The following SNRNP25 variants were observed in gnomAD, a reference collection of about 807,000 sequenced individuals.
SNRNP25 encodes U11/U12 small nuclear ribonucleoprotein 25 kDa protein.
Under a neutral mutation model 23.9 loss-of-function variants are expected in SNRNP25, and 21 were observed. That is an observed-to-expected ratio of 0.88 (90% CI 0.62 to 1.27). The LOEUF (loss-of-function observed/expected upper bound fraction) is 1.27, where lower values mean the gene tolerates loss of function less well. Ranked by LOEUF, SNRNP25 falls within the 50% of genes most tolerant of loss-of-function variation. The pLI is 0.00. For synonymous variants in SNRNP25, 63 were observed against 60.4 expected, an observed-to-expected ratio of 1.04 and a Z score of -0.20; for missense variants, 160 against 156.9, an observed-to-expected ratio of 1.02 and a Z score of -0.11.
rs113469094 is a variant in SNRNP25, at chr16:56,970, A to G, written c.315-116A>G. The G allele has an allele frequency of 1.0e-5, 12 of 1,194,388 alleles. No homozygotes were observed. The African/African-American group carries it at 1.5e-4, about 15-fold the overall frequency. 74.0% of individuals were successfully genotyped at this position (1,194,388 alleles called of 1,614,324 possible). On this transcript the variant is annotated intron_variant, in intron 4 of 4. Coordinates refer to ENST00000293861, the MANE Select transcript of SNRNP25 (RefSeq NM_024571.4). ...GGCCACTGCACTTCCTGGCCTTCCC[A>G]GAAGCCACACGCCTCCCCTCTGTTG... is the stretch of plus-strand genomic sequence containing the variant.
Position 53,866 on chromosome 16 carries a change from G to C in SNRNP25, c.-151G>C, listed in dbSNP as rs1897372121. 2.7e-6 allele frequency: 4 copies of C among 1,469,000 alleles called. No homozygotes were observed. The highest frequency in any genetic ancestry group is 1.4e-5 in the African/African-American group (1 of 70,418). The allele number at this position is 1,469,000 out of a possible 1,614,324, so 91.0% of individuals were successfully genotyped here. A position where few individuals can be genotyped will look rare whatever the true frequency, so the allele number is the denominator to read the frequency against. On this transcript the variant is annotated 5_prime_UTR_variant, in exon 1 of 5. Transcript: ENST00000293861. ...GTGCGCGCTTGGCCTCCCTAGTGCG[G>C]GCTGGCAGTGCGGGCAGAGCCCGGC...
At chr16:56,067 C>A in intron 3 of SNRNP25, 185 bp downstream of exon 3, 3 of 640,888 alleles carry the variant, frequency 4.7e-6, no homozygotes, top group Non-Finnish European at 8.3e-6. Flanking sequence ...TCGTTCTGTG[C>A]CTGGGACTCC....
intron 1 of SNRNP25, among the ~76,000 whole-genome samples, 165 bp downstream of exon 1, chr16:54,223 G>C (rs552995349): frequency 1.3e-5 from 2 of 152,372 alleles, no homozygotes; most frequent in Admixed American, 6.5e-5. Flanking sequence ...GCACTCGCCT[G>C]GGGCGCGAAG....
At chr16:55,429 GTTCCCAC>G in intron 1 of SNRNP25, 23 bp from the exon 2 acceptor site, 2 of 1,600,638 alleles carry the variant, frequency 1.2e-6, no homozygotes, top group South Asian at 2.2e-5. Flanking sequence ...GAGAGCCAGG[GTTCCCAC>G]TTCTGCCCTT....
Position 53,885 on chromosome 16 carries a change from G to C in SNRNP25, c.-132G>C. The C allele has an allele frequency of 1.1e-5, 16 of 1,499,542 alleles. No homozygotes were observed. Among genetic ancestry groups the C allele is most frequent in the Non-Finnish European group, 1.4e-5 (15 of 1,108,082 alleles). 92.9% of individuals were successfully genotyped at this position (1,499,542 alleles called of 1,614,324 possible). A position where few individuals can be genotyped will look rare whatever the true frequency, so the allele number is the denominator to read the frequency against. ...AGTGCGGGCTGGCAGTGCGGGCAGA[G>C]CCCGGCTGAGAGGGGCGGCCCTGGA... On this transcript the variant is annotated 5_prime_UTR_variant, in exon 1 of 5. Transcript: ENST00000293861.
In SNRNP25 at chr16:54,044, G is replaced by T; in HGVS notation, c.28G>T (p.Asp10Tyr). Residue 10 changes from aspartate (D) to tyrosine (Y), a missense_variant, in exon 1 of 5, where the codon GAT (aspartate) becomes TAT (tyrosine). Asp to Tyr is a radical substitution (Grantham distance 160, BLOSUM62 -3). Coordinates refer to ENST00000293861, the MANE Select transcript of SNRNP25 (RefSeq NM_024571.4). ...GGTGGTGCAGGACCCGCTGCTCTGC[G>T]ATCTGCCGATCCAGGTGTGTGCGGG... is the stretch of plus-strand genomic sequence containing the variant. MVVQDPLLC[D>Y]LPIQVTLEEV... 1 of 1,606,808 alleles carries T rather than the reference G, an allele frequency of 6.2e-7. No individual in the cohort carries two copies. The highest frequency in any genetic ancestry group is 8.5e-7 in the Non-Finnish European group (1 of 1,178,606).
At position 55,797 on chromosome 16, in the gene SNRNP25, G is replaced by C; in HGVS notation, c.154G>C (p.Ala52Pro). 6.2e-7 allele frequency: 1 copy of C among 1,614,030 alleles called. No homozygotes were observed. Among genetic ancestry groups the C allele is most frequent in the East Asian group, 2.2e-5 (1 of 44,900 alleles). Residue 52 changes from alanine (A) to proline (P), a missense_variant, in exon 3 of 5, where the codon GCC (alanine) becomes CCC (proline). Transcript: ENST00000293861. ...TGCAGCCGTGGTTGTAGTGCAGAGT[G>C]CCACAGTCCTGGACCTGAAGAAGGC... is the stretch of plus-strand genomic sequence containing the variant. ...EVMPVVVVQS[A>P]TVLDLKKAIQ... is the part of the protein sequence containing the mutation.
In SNRNP25 at chr16:56,609, C is replaced by A. The variant is rs758890394; in HGVS notation, c.310C>A (p.Arg104=). The A allele has an allele frequency of 6.2e-7, 1 of 1,613,908 alleles. No individual in the cohort carries two copies. Among genetic ancestry groups the A allele is most frequent in the Admixed American group, 1.7e-5 (1 of 60,020 alleles). ...ACTCACGGAAGACAGAAAGAAGCTC[C>A]GAGAGTAAGTGCCGGCCACGTCCTG... The part of the protein sequence containing the change: ...EKLTEDRKKL[R]DYGIRNRDEV... Residue 104 remains arginine (R), a synonymous_variant, in exon 4 of 5, where the codon CGA becomes AGA. Coordinates refer to ENST00000293861, the MANE Select transcript of SNRNP25 (RefSeq NM_024571.4).
In SNRNP25 at chr16:57,224, T is replaced by G; in HGVS notation, c.*81T>G. ...GAATGGGTCCTCGAATCATCGTGCCTCTTTCACAGAAAGGACGTTGTGGTG... is the reference window on the plus strand; with the variant it reads ...GAATGGGTCCTCGAATCATCGTGCCGCTTTCACAGAAAGGACGTTGTGGTG... On this transcript the variant is annotated 3_prime_UTR_variant, in exon 5 of 5. Coordinates refer to ENST00000293861, the MANE Select transcript of SNRNP25 (RefSeq NM_024571.4). 1 of 1,459,392 alleles carries G rather than the reference T, an allele frequency of 6.9e-7. No homozygotes were observed. 90.4% of individuals were successfully genotyped at this position (1,459,392 alleles called of 1,614,324 possible).
At position 55,778 on chromosome 16, in the gene SNRNP25, C is replaced by G. The variant is rs768384752; in HGVS notation, c.135C>G (p.Pro45=). Residue 45 remains proline (P), a splice_region_variant and synonymous_variant, in exon 3 of 5, where the codon CCC becomes CCG. Transcript: ENST00000293861. ...RVCKMDGEVM[P]VVVVQSATVL... ...TCCCATCTGTGTCCGTGGTTGCAGC[C>G]GTGGTTGTAGTGCAGAGTGCCACAG... is the stretch of plus-strand genomic sequence containing the variant. 1.2e-6 allele frequency: 2 copies of G among 1,613,996 alleles called. No homozygotes were observed. The highest frequency in any genetic ancestry group is 1.7e-6 in the Non-Finnish European group (2 of 1,179,946).
intron 3 of SNRNP25, 29 bp from the exon 4 acceptor site, chr16:56,510 C>A: frequency 6.2e-7 from 1 of 1,610,592 alleles, no homozygotes; most frequent in Non-Finnish European, 8.5e-7. Flanking sequence ...GCTCAGGGCA[C>A]GTGGTTTACC....
Position 55,890 on chromosome 16 carries a change from G to A in SNRNP25, c.239+8G>A, listed in dbSNP as rs771805672. Reference sequence around the variant, plus strand: ...CATTCAGCACATCAGCTGGTAAGTGGAACAACATTCCCTTCATTATAGCCC... The same window carrying A: ...CATTCAGCACATCAGCTGGTAAGTGAAACAACATTCCCTTCATTATAGCCC... On this transcript the variant is annotated splice_region_variant and intron_variant, in intron 3 of 4. Transcript: ENST00000293861. 1 of 1,612,322 alleles carries A rather than the reference G, an allele frequency of 6.2e-7. No individual in the cohort carries two copies.
chr16:57,117 T>C lies in SNRNP25; in HGVS notation c.346T>C (p.Phe116Leu), dbSNP rs762979091. 1.9e-6 allele frequency: 3 copies of C among 1,614,068 alleles called. No individual in the cohort carries two copies. In the Admixed American group the frequency reaches 5.0e-5, roughly 27 times the overall value. ...YGIRNRDEVS[F>L]IKKLRQK is the part of the protein sequence containing the mutation. ...CATCCGGAATCGAGACGAGGTTTCCTTCATCAAAAAGCTGAGGCAAAAGTG... is the reference window on the plus strand; with the variant it reads ...CATCCGGAATCGAGACGAGGTTTCCCTCATCAAAAAGCTGAGGCAAAAGTG... Residue 116 changes from phenylalanine (F) to leucine (L), a missense_variant, in exon 5 of 5, where the codon TTC (phenylalanine) becomes CTC (leucine). Physicochemically the swap from Phe to Leu is conservative, Grantham distance 22. Coordinates refer to ENST00000293861, the MANE Select transcript of SNRNP25 (RefSeq NM_024571.4).
chr16:56,528 C>T lies in SNRNP25; in HGVS notation c.240-11C>T, dbSNP rs775219700. ...CAGGGCACGTGGTTTACCTGCATTC[C>T]CCTCTTGCAGGTCCTACGTGTGGAG... is the stretch of plus-strand genomic sequence containing the variant. On this transcript the variant is annotated splice_polypyrimidine_tract_variant and intron_variant, in intron 3 of 4. Coordinates refer to ENST00000293861, the MANE Select transcript of SNRNP25 (RefSeq NM_024571.4). 12 of 1,613,604 alleles carry T rather than the reference C, an allele frequency of 7.4e-6. No homozygotes were observed. The Admixed American group carries it at 2.0e-4, about 27-fold the overall frequency.
At chr16:55,324 C>G in intron 1 of SNRNP25, 135 bp from the exon 2 acceptor site, 3 of 717,324 alleles carry the variant, frequency 4.2e-6, no homozygotes, top group Non-Finnish European at 7.5e-6. Context: ...GAAACCATAA[C>G]GTACAGGCAA....
chr16:55,282 T>G, intron 1 of SNRNP25, 177 bp from the exon 2 acceptor site: 1 of 587,754 alleles, frequency 1.7e-6, no homozygotes, highest in Non-Finnish European at 3.1e-6. Flanking sequence ...AAAATGTGAG[T>G]GGAACATGAG....
At chr16:55,236 C>T (rs1897391213) in intron 1 of SNRNP25, 1 of 487,194 alleles carries the variant, frequency 2.1e-6, no homozygotes, top group Non-Finnish European at 3.8e-6. Context: ...TTCTTAGCAC[C>T]TCTTTCCCCC....
Position 55,888 on chromosome 16 carries a change from T to C in SNRNP25, c.239+6T>C, listed in dbSNP as rs1198152591. 1 of 1,612,584 alleles carries C rather than the reference T, an allele frequency of 6.2e-7. No individual in the cohort carries two copies. The highest frequency in any genetic ancestry group is 1.3e-5 in the African/African-American group (1 of 75,054). On this transcript the variant is annotated splice_donor_region_variant and intron_variant, in intron 3 of 4. Transcript: ENST00000293861. ...GGCATTCAGCACATCAGCTGGTAAG[T>C]GGAACAACATTCCCTTCATTATAGC...
At position 56,551 on chromosome 16, in the gene SNRNP25, G is replaced by C. The variant is rs1039887489; in HGVS notation, c.252G>C (p.Trp84Cys). 4 of 1,614,062 alleles carry C rather than the reference G, an allele frequency of 2.5e-6. No individual in the cohort carries two copies. The highest frequency in any genetic ancestry group is 3.4e-6 in the Non-Finnish European group (4 of 1,180,026). ...GIQHISWSYVWRTYHLTSAGE... is the reference protein window; with the variant it reads ...GIQHISWSYVCRTYHLTSAGE... ...TCCCCTCTTGCAGGTCCTACGTGTG[G>C]AGGACGTACCATCTGACCTCTGCAG... Residue 84 changes from tryptophan (W) to cysteine (C), a missense_variant, in exon 4 of 5, where the codon TGG becomes TGC. Physicochemically the swap from Trp to Cys is radical, Grantham distance 215. Coordinates refer to ENST00000293861, the MANE Select transcript of SNRNP25 (RefSeq NM_024571.4).
Sources: allele counts gnomAD v4.1 joint callset (sites outside exome capture counted in the v4.1 genomes callset), GRCh38; gene constraint gnomAD v4.1.1; transcripts MANE v1.5; gene names NCBI Gene and HGNC (gene_info 2026-07-23, HGNC 2026-07-21).